HEY1: variants seen among roughly 807,000 people sequenced by gnomAD.
HEY1 encodes the protein hairy/enhancer-of-split related with YRPW motif protein 1.
HEY1 carries 9 observed loss-of-function variants against 28.7 expected under a neutral mutation model. The ratio of observed to expected loss-of-function variants is 0.31; its 90% CI spans 0.19 to 0.55. The LOEUF is 0.55. Among genes scored for constraint, HEY1 ranks in the 20% least tolerant of loss-of-function variants. The probability of loss-of-function intolerance (pLI) is 0.93; values close to 1 mark genes in which losing one functional copy is unlikely to be tolerated. For missense variants in HEY1, 385 were observed against 399.4 expected (o/e 0.96, Z 0.31); for synonymous variants, 213 against 175.6 (o/e 1.21, Z -1.68).
chr8:79,766,400 G>A, intron 4 of HEY1: 1 of 1,453,792 alleles, frequency 6.9e-7, no homozygotes, highest in Non-Finnish European at 9.0e-7. Flanking sequence ...AACTTTTGAA[G>A]ACCTCACAAA....
At chr8:79,766,328 C>A in intron 4 of HEY1, 3 of 1,504,586 alleles carry the variant, frequency 2.0e-6, no homozygotes, top group South Asian at 1.3e-5. Context: ...TTTTTAAATG[C>A]TTTTTCTCAA....
chr8:79,764,859 A>T lies in HEY1; in HGVS notation c.*329T>A. ...AAATGTTAAGATTCCCCAAATTTTG[A>T]GGCAAAAACGGAATCATTCTGGTTT... On this transcript the variant is annotated 3_prime_UTR_variant, in exon 5 of 5. Coordinates refer to ENST00000354724, the MANE Select transcript of HEY1 (RefSeq NM_012258.4). 1 of 251,608 alleles carries T rather than the reference A, an allele frequency of 4.0e-6. No homozygotes were observed. Among genetic ancestry groups the T allele is most frequent in the East Asian group, 6.0e-5 (1 of 16,610 alleles). The allele number at this position is 251,608 out of a possible 1,614,324, so 15.6% of individuals were successfully genotyped here. A position where few individuals can be genotyped will look rare whatever the true frequency, so the allele number is the denominator to read the frequency against.
Position 79,767,594 on chromosome 8 carries a change from CCTT to C in HEY1, c.67_69del (p.Lys23del). Reference sequence around the variant, plus strand: ...GCTCACCCATTCTCGTCCGCACTCTCCTTCTCCACCTCGATGGTCTCGTCCAGC... The same window carrying C: ...GCTCACCCATTCTCGTCCGCACTCTCCTCCACCTCGATGGTCTCGTCCAGC... On this transcript the variant is annotated inframe_deletion, in exon 1 of 5. Transcript: ENST00000354724. 6.2e-7 allele frequency: 1 copy of C among 1,610,190 alleles called. No homozygotes were observed. The highest frequency in any genetic ancestry group is 1.1e-5 in the South Asian group (1 of 90,150).
intron 4 of HEY1, 72 bp downstream of exon 4, chr8:79,766,579 C>T: frequency 6.2e-7 from 1 of 1,604,236 alleles, no homozygotes; most frequent in Non-Finnish European, 8.5e-7. Flanking sequence ...GCTACTGCAC[C>T]AATCCTGGCC....
intron 1 of HEY1, 27 bp downstream of exon 1, chr8:79,767,548 G>GGCTCC (rs1164814027): frequency 5.7e-6 from 9 of 1,581,954 alleles, no homozygotes; most frequent in Admixed American, 5.2e-5. Flanking sequence ...GCTCTGGCTC[G>GGCTCC]GCTCCGCTCC....
rs1251604835 is a variant in HEY1, at chr8:79,767,280, G to A, written c.104C>T (p.Ala35Val). The part of the protein sequence containing the change: ...SADENGNLSS[A>V]LGSMSPTTSS... ...TGTAGTTGGGGACATGGAACCTAGA[G>A]CCGAACTCAAGTTTCTGAAAAGAGA... Residue 35 changes from alanine (A) to valine (V), a missense_variant, in exon 2 of 5, where the codon GCT becomes GTT. This residue lies in a region of HEY1 where 79 missense variants were observed against 60.7 expected (regional missense o/e 1.30). Transcript: ENST00000354724. The A allele has an allele frequency of 2.5e-6, 4 of 1,612,534 alleles. No homozygotes were observed. Among genetic ancestry groups the A allele is most frequent in the African/African-American group, 2.7e-5 (2 of 74,796 alleles).
Position 79,765,435 on chromosome 8 carries a change from T to C in HEY1, c.668A>G (p.His223Arg). ...PHHQGRLGSA[H>R]PEAPALRAPP... ...CGCTCGCAAAGCAGGCGCCTCCGGA[T>C]GTGCCGAGCCCAGCCTGCCCTGGTG... Residue 223 changes from histidine (H) to arginine (R), a missense_variant, in exon 5 of 5, where the codon CAT (histidine) becomes CGT (arginine). His to Arg is a conservative substitution (Grantham distance 29). This residue lies in a region of HEY1 where 223 missense variants were observed against 215.9 expected (regional missense o/e 1.03). Coordinates refer to ENST00000354724, the MANE Select transcript of HEY1 (RefSeq NM_012258.4). 6.2e-7 allele frequency: 1 copy of C among 1,612,492 alleles called. No individual in the cohort carries two copies. Among genetic ancestry groups the C allele is most frequent in the Non-Finnish European group, 8.5e-7 (1 of 1,179,326 alleles).
chr8:79,766,087 G>A, intron 4 of HEY1: 1 of 810,420 alleles, frequency 1.2e-6, no homozygotes, highest in Non-Finnish European at 1.9e-6. Context: ...CAAGGGCAGA[G>A]AAACCACAGA....
chr8:79,767,502 C>T (rs1049410804), intron 1 of HEY1, 73 bp downstream of exon 1: 21 of 1,443,540 alleles, frequency 1.5e-5, no homozygotes, highest in Non-Finnish European at 2.0e-5. Context: ...AGGGTCCTAG[C>T]CCGCTGTCAC....
chr8:79,765,020 T>TA lies in HEY1; in HGVS notation c.*167dup, dbSNP rs1460048937. 5 of 537,552 alleles carry TA rather than the reference T, an allele frequency of 9.3e-6. No individual in the cohort carries two copies. The highest frequency in any genetic ancestry group is 3.9e-5 in the African/African-American group (2 of 51,624). 33.3% of individuals were successfully genotyped at this position (537,552 alleles called of 1,614,324 possible). A position where few individuals can be genotyped will look rare whatever the true frequency, so the allele number is the denominator to read the frequency against. ...ATACATGACATGATGAAAAAAACAT[T>TA]AAAAAAGATAAAAGTAAACCAACAA... On this transcript the variant is annotated 3_prime_UTR_variant, in exon 5 of 5. Transcript: ENST00000354724.
intron 1 of HEY1, 118 bp downstream of exon 1, chr8:79,767,456 GA>G: frequency 8.6e-7 from 1 of 1,156,264 alleles, no homozygotes; most frequent in Non-Finnish European, 1.2e-6. Context: ...GCCAGCCTGC[GA>G]CGCGCGGAGG....
chr8:79,765,659 G>C lies in HEY1; in HGVS notation c.444C>G (p.Asp148Glu), dbSNP rs555611278. 6 of 1,614,156 alleles carry C rather than the reference G, an allele frequency of 3.7e-6. No homozygotes were observed. ...GCGAAACCAGTCGAACTCGAAGCGGGTCAGAGGCATCTAGTCCTTCAATGA... is the reference window on the plus strand; with the variant it reads ...GCGAAACCAGTCGAACTCGAAGCGGCTCAGAGGCATCTAGTCCTTCAATGA... ...LSIIEGLDAS[D>E]PLRVRLVSHL... Residue 148 changes from aspartate to glutamate, a missense_variant, in exon 5 of 5, where the codon GAC becomes GAG. Transcript: ENST00000354724.
intron 4 of HEY1, 22 bp downstream of exon 4, chr8:79,766,629 C>T (rs753545085): frequency 6.2e-7 from 1 of 1,613,828 alleles, no homozygotes; most frequent in South Asian, 1.1e-5. Flanking sequence ...TTCAGAGCCC[C>T]CACTAGGTCT....
intron 3 of HEY1, 63 bp from the exon 4 acceptor site, chr8:79,766,795 A>G: frequency 1.3e-6 from 2 of 1,513,904 alleles, no homozygotes; most frequent in Non-Finnish European, 9.2e-7. Context: ...AATTTAAAAT[A>G]TGCAAACATA....
In HEY1 at chr8:79,766,260, G is replaced by A. The variant is rs1045489827; in HGVS notation, c.331+391C>T. On this transcript the variant is annotated intron_variant, in intron 4 of 4. Transcript: ENST00000354724. The stretch of plus-strand genomic sequence containing the variant: ...CAGAATACATTTCTTTCCTCAAGAG[G>A]CATGTGGCAGCACCTTTTTTTTAAA... 3.8e-5 allele frequency: 46 copies of A among 1,205,160 alleles called. No homozygotes were observed. The African/African-American group carries it at 8.1e-4, about 21-fold the overall frequency. The allele number at this position is 1,205,160 out of a possible 1,614,324, so 74.7% of individuals were successfully genotyped here. A position where few individuals can be genotyped will look rare whatever the true frequency, so the allele number is the denominator to read the frequency against.
chr8:79,765,348 G>A lies in HEY1; in HGVS notation c.755C>T (p.Pro252Leu), dbSNP rs3175191. Residue 252 changes from proline to leucine, a missense_variant, in exon 5 of 5, where the codon CCG becomes CTG. By Grantham distance (98) the Pro-to-Leu change is moderately conservative (BLOSUM62 -3). This residue lies in a region of HEY1 where 223 missense variants were observed against 215.9 expected (regional missense o/e 1.03). Coordinates refer to ENST00000354724, the MANE Select transcript of HEY1 (RefSeq NM_012258.4). Reference sequence around the variant, plus strand: ...GGAGGCCACTGAGGAGAGCAGAGGCGGCGACAGTTTGGAGGCGGAGGTGAC... The same window carrying A: ...GGAGGCCACTGAGGAGAGCAGAGGCAGCGACAGTTTGGAGGCGGAGGTGAC... ...PVVTSASKLS[P>L]PLLSSVASLS... 9 of 1,578,414 alleles carry A rather than the reference G, an allele frequency of 5.7e-6. No homozygotes were observed. Among genetic ancestry groups the A allele is most frequent in the Non-Finnish European group, 7.7e-6 (9 of 1,161,868 alleles).
intron 4 of HEY1, 189 bp downstream of exon 4, chr8:79,766,462 G>A (rs1807840641): frequency 1.3e-6 from 2 of 1,494,708 alleles, no homozygotes; most frequent in Middle Eastern, 2.5e-4. Context: ...GAGAGCTGGG[G>A]TGGTGAATTC....
intron 3 of HEY1, 26 bp downstream of exon 3, chr8:79,766,981 TGA>T: frequency 6.3e-7 from 1 of 1,583,086 alleles, no homozygotes; most frequent in Non-Finnish European, 8.7e-7. Context: ...ATAGCTATGC[TGA>T]GAGCTTTACC....
chr8:79,767,311 A>G lies in HEY1; in HGVS notation c.90-17T>C. The G allele has an allele frequency of 6.2e-7, 1 of 1,601,498 alleles. No homozygotes were observed. The highest frequency in any genetic ancestry group is 2.2e-5 in the East Asian group (1 of 44,834). ...CTCAAGTTTCTGAAAAGAGAAAAAGAACAAACAAAAACTGAAATCGCCGTT... is the reference window on the plus strand; with the variant it reads ...CTCAAGTTTCTGAAAAGAGAAAAAGGACAAACAAAAACTGAAATCGCCGTT... On this transcript the variant is annotated splice_polypyrimidine_tract_variant and intron_variant, in intron 1 of 4. Transcript: ENST00000354724.
Sources: gnomAD v4.1 joint callset for allele counts on GRCh38, gnomAD v4.1.1 for gene constraint, gnomAD v4.1.1 regional missense constraint, MANE v1.5 for transcripts, NCBI Gene and HGNC (gene_info 2026-07-23, HGNC 2026-07-21) for gene names.